The following LRIG2 variants were observed in gnomAD, a reference collection of about 807,000 sequenced individuals.
LRIG2 encodes the protein leucine-rich repeats and immunoglobulin-like domains protein 2.
LRIG2 carries 93 observed loss-of-function variants against 107.8 expected under a neutral mutation model. That is an observed-to-expected ratio of 0.86 (90% CI 0.73 to 1.03). LRIG2 has a LOEUF of 1.03. LRIG2 is among the 50% of genes least tolerant of loss of function. LRIG2 has a pLI of 0.00. For missense variants in LRIG2, 1,226 were observed against 1,296.0 expected, an observed-to-expected ratio of 0.95 and a Z score of 0.83; for synonymous variants, 471 against 470.6, an observed-to-expected ratio of 1.00 and a Z score of -0.01.
intron 17 of LRIG2, among the ~76,000 whole-genome samples, chr1:113,123,341 G>A (rs1336329355): frequency 2.0e-5 from 3 of 152,184 alleles, no homozygotes; most frequent in African/African-American, 7.2e-5. Context: ...TTGGGAGGCT[G>A]AAGCAGGCGG....
chr1:113,076,450 T>C (rs993177897), intron 1 of LRIG2, among the ~76,000 whole-genome samples: 6 of 152,264 alleles, frequency 3.9e-5, no homozygotes, highest in African/African-American at 1.4e-4. Flanking sequence ...GAATTTTTAA[T>C]GTCCTATAAT....
intron 1 of LRIG2, among the ~76,000 whole-genome samples, chr1:113,087,411 C>T (rs1344338596): frequency 2.6e-5 from 4 of 152,148 alleles, no homozygotes; most frequent in Non-Finnish European, 2.9e-5. Context: ...TGCAGTGGCA[C>T]GATCGCAGCT....
At chr1:113,078,863 C>T (rs1653117074) in intron 1 of LRIG2, among the ~76,000 whole-genome samples, 1 of 152,024 alleles carries the variant, frequency 6.6e-6, no homozygotes, top group African/African-American at 2.4e-5. Context: ...TGGTCTCAAA[C>T]TCCCAACCTC....
intron 11 of LRIG2, 98 bp from the exon 12 acceptor site, chr1:113,107,496 C>T: frequency 3.6e-6 from 4 of 1,124,670 alleles, no homozygotes; most frequent in Non-Finnish European, 5.0e-6. Flanking sequence ...ATGTTTTTGG[C>T]AAGAATAATG....
At chr1:113,074,126 AGTTCG>A (rs1203045866) in intron 1 of LRIG2, among the ~76,000 whole-genome samples, 3 of 152,266 alleles carry the variant, frequency 2.0e-5, no homozygotes, top group South Asian at 4.1e-4. Context: ...TTTAGTCCTT[AGTTCG>A]CATGTTGGCT....
intron 16 of LRIG2, among the ~76,000 whole-genome samples, chr1:113,117,984 A>T (rs1655088701): frequency 6.6e-6 from 1 of 151,718 alleles, no homozygotes; most frequent in South Asian, 2.1e-4. Context: ...CAATGGCACC[A>T]TCTCAGCTCA....
chr1:113,117,175 G>C (rs894784083), intron 16 of LRIG2, among the ~76,000 whole-genome samples: 1 of 152,172 alleles, frequency 6.6e-6, no homozygotes, highest in Non-Finnish European at 1.5e-5. Flanking sequence ...AGAACTGAAT[G>C]AATTAAGGGA....
chr1:113,092,787 T>C (rs1044124166), intron 2 of LRIG2, among the ~76,000 whole-genome samples: 1 of 152,184 alleles, frequency 6.6e-6, no homozygotes, highest in Non-Finnish European at 1.5e-5. Context: ...GGTCAGGAGT[T>C]TGAGATCAGC....
At chr1:113,109,675 C>T (rs1368465274) in intron 12 of LRIG2, among the ~76,000 whole-genome samples, 3 of 152,044 alleles carry the variant, frequency 2.0e-5, no homozygotes, top group Non-Finnish European at 2.9e-5. Context: ...GCCGCCACCT[C>T]GCCTGGGTAA....
At chr1:113,087,770 G>A (rs11102584) in intron 1 of LRIG2, among the ~76,000 whole-genome samples, 2,038 of 152,272 alleles carry the variant, frequency 0.013, 19 homozygotes, top group East Asian at 0.033. Context: ...CGTGTCATTT[G>A]ATCAAATTCC....
chr1:113,084,122 G>A (rs1653428312), intron 1 of LRIG2, among the ~76,000 whole-genome samples: 1 of 150,406 alleles, frequency 6.6e-6, no homozygotes, highest in Admixed American at 6.6e-5. Flanking sequence ...CCCTAGTGAG[G>A]CTAATGTGCA....
At position 113,130,515 on chromosome 1, in the gene LRIG2, G is replaced by T. The variant is rs1333472519; in HGVS notation, c.*6414G>T. 1 of 152,324 alleles carries T rather than the reference G, an allele frequency of 6.6e-6. No individual in the cohort carries two copies. Among genetic ancestry groups the T allele is most frequent in the East Asian group, 1.9e-4 (1 of 5,192 alleles). The allele number at this position is 152,324 out of a possible 1,614,324, so 9.4% of individuals were successfully genotyped here. ...AATAAATTTTTGTGTAGGCTCTTTA[G>T]TAAATTTATCTGATAATGGAATAAT... On this transcript the variant is annotated 3_prime_UTR_variant, in exon 18 of 18. Transcript: ENST00000361127.
chr1:113,096,242 T>C lies in LRIG2; in HGVS notation c.968T>C (p.Leu323Pro). ...TTCAGTGATTTGTCCTATAACCAGC[T>C]GACCCGCCTGGATGAATCTGCCTTT... ...LSELDLSYNQ[L>P]TRLDESAFVG... Residue 323 changes from leucine to proline, a missense_variant, in exon 8 of 18, where the codon CTG (leucine) becomes CCG (proline). Around this residue, in one of 3 missense-constraint regions of LRIG2, gnomAD observed 570 missense variants for 550.2 expected, o/e 1.04. Coordinates refer to ENST00000361127, the MANE Select transcript of LRIG2 (RefSeq NM_014813.3). 6.2e-7 allele frequency: 1 copy of C among 1,613,994 alleles called. No individual in the cohort carries two copies. The highest frequency in any genetic ancestry group is 8.5e-7 in the Non-Finnish European group (1 of 1,180,016).
chr1:113,073,234 C>CGTCG lies in LRIG2; in HGVS notation c.-172_-169dup. 1 of 626,414 alleles carries CGTCG rather than the reference C, an allele frequency of 1.6e-6. No homozygotes were observed. The highest frequency in any genetic ancestry group is 2.8e-6 in the Non-Finnish European group (1 of 352,954). The allele number at this position is 626,414 out of a possible 1,614,324, so 38.8% of individuals were successfully genotyped here. A position where few individuals can be genotyped will look rare whatever the true frequency, so the allele number is the denominator to read the frequency against. On this transcript the variant is annotated 5_prime_UTR_variant, in exon 1 of 18. Coordinates refer to ENST00000361127, the MANE Select transcript of LRIG2 (RefSeq NM_014813.3). Reference sequence around the variant, plus strand: ...GTCCGTCAGGCCGTGTGTCCCAGGCCGTCGACCCCGCTGTCGCGCTGCGTC... The same window carrying CGTCG: ...GTCCGTCAGGCCGTGTGTCCCAGGCCGTCGGTCGACCCCGCTGTCGCGCTGCGTC...
chr1:113,095,193 G>A (rs923774714), intron 6 of LRIG2, among the ~76,000 whole-genome samples: 2 of 151,752 alleles, frequency 1.3e-5, no homozygotes, highest in Admixed American at 6.6e-5. Flanking sequence ...GGCTGATCTC[G>A]AACTCCTGAC....
chr1:113,121,070 C>G (rs770136660), intron 17 of LRIG2, among the ~76,000 whole-genome samples: 10 of 152,130 alleles, frequency 6.6e-5, no homozygotes, highest in Middle Eastern at 3.2e-3. Context: ...CCTGCCTTGG[C>G]CTCCCAAAGT....
At chr1:113,078,229 A>G (rs753091476) in intron 1 of LRIG2, among the ~76,000 whole-genome samples, 16 of 151,886 alleles carry the variant, frequency 1.1e-4, no homozygotes, top group Non-Finnish European at 2.2e-4. Flanking sequence ...TTCACTATTA[A>G]CATGTGGATT....
chr1:113,107,657 T>C lies in LRIG2; in HGVS notation c.1377T>C (p.Val459=), dbSNP rs1654594794. ...CHLKWLLQWL[V]DNNFQHSVNV... ...TGAAGTGGCTACTTCAATGGTTGGT[T>C]GATAATAACTTTCAACATTCTGTGA... The change falls in exon 12 of 18, where the codon GTT becomes GTC. Residue 459 remains valine, a synonymous_variant. Transcript: ENST00000361127. 16 of 1,614,074 alleles carry C rather than the reference T, an allele frequency of 9.9e-6. No homozygotes were observed. Among genetic ancestry groups the C allele is most frequent in the African/African-American group, 1.3e-5 (1 of 75,052 alleles).
chr1:113,080,657 C>T (rs577662072), intron 1 of LRIG2, among the ~76,000 whole-genome samples: 5 of 152,032 alleles, frequency 3.3e-5, no homozygotes, highest in African/African-American at 1.2e-4. Context: ...GGATTACAGG[C>T]GTGAGCCACT....
Sources: allele counts gnomAD v4.1 joint callset (sites outside exome capture counted in the v4.1 genomes callset), GRCh38; gene constraint gnomAD v4.1.1; regional missense constraint gnomAD v4.1.1; transcripts MANE v1.5; gene names NCBI Gene and HGNC (gene_info 2026-07-23, HGNC 2026-07-21).